The following SGK3 variants were observed in gnomAD, a reference collection of about 807,000 sequenced individuals.
The protein encoded by SGK3 is serum/glucocorticoid regulated kinase family member 3, also known as serine/threonine-protein kinase Sgk3.
A neutral mutation model predicts 68.5 loss-of-function variants in SGK3; 47 were observed. The ratio of observed to expected loss-of-function variants is 0.69; its 90% CI spans 0.54 to 0.87. The LOEUF is 0.87. SGK3 is among the 40% of genes least tolerant of loss of function. The pLI, the probability that SGK3 is intolerant of heterozygous loss-of-function variation, is 0.00. For missense variants in SGK3, 479 were observed against 575.5 expected, an observed-to-expected ratio of 0.83 and a Z score of 1.72; for synonymous variants, 181 against 189.1, an observed-to-expected ratio of 0.96 and a Z score of 0.35.
At chr8:66,812,527 C>G (rs2130639094) in intron 4 of SGK3, among the ~76,000 whole-genome samples, 1 of 151,736 alleles carries the variant, frequency 6.6e-6, no homozygotes, top group Non-Finnish European at 1.5e-5. Flanking sequence ...CACTGCACTC[C>G]AGCCTGGGTG....
intron 1 of SGK3, among the ~76,000 whole-genome samples, chr8:66,744,806 T>C (rs1014104014): frequency 7.7e-6 from 1 of 130,134 alleles, no homozygotes; most frequent in African/African-American, 3.2e-5. Flanking sequence ...ATGCCTAGCC[T>C]TTTTTTTTTT....
At chr8:66,855,757 C>T (rs544029541) in intron 16 of SGK3, among the ~76,000 whole-genome samples, 9 of 152,270 alleles carry the variant, frequency 5.9e-5, no homozygotes, top group South Asian at 2.1e-4. Context: ...TTCATACTGA[C>T]GGTTGAAGAA....
intron 1 of SGK3, among the ~76,000 whole-genome samples, chr8:66,739,640 C>A (rs756285213): frequency 2.6e-5 from 4 of 152,160 alleles, no homozygotes; most frequent in Non-Finnish European, 4.4e-5. Context: ...AGGTAATCTG[C>A]CTGCCTCAGC....
At chr8:66,746,455 A>G (rs1179313028) in intron 1 of SGK3, among the ~76,000 whole-genome samples, 1 of 152,178 alleles carries the variant, frequency 6.6e-6, no homozygotes, top group African/African-American at 2.4e-5. Context: ...TCACACCTGT[A>G]GTCCCAGTTA....
At chr8:66,761,242 A>G (rs1806155810) in intron 1 of SGK3, among the ~76,000 whole-genome samples, 1 of 152,204 alleles carries the variant, frequency 6.6e-6, no homozygotes, top group Non-Finnish European at 1.5e-5. Context: ...CCTCCTGAAC[A>G]GCTGGGACTA....
chr8:66,716,431 A>G (rs1192357282), intron 1 of SGK3, among the ~76,000 whole-genome samples: 3 of 152,136 alleles, frequency 2.0e-5, no homozygotes, highest in African/African-American at 7.2e-5. Context: ...GGCAGTGTGC[A>G]GTATCCTTGC....
intron 12 of SGK3, 63 bp downstream of exon 12, chr8:66,840,310 G>A: frequency 7.0e-7 from 1 of 1,437,476 alleles, no homozygotes; most frequent in Non-Finnish European, 9.4e-7. Context: ...TATGCTTAGT[G>A]CAAAAAAAGT....
intron 1 of SGK3, among the ~76,000 whole-genome samples, chr8:66,746,171 G>T (rs573011394): frequency 6.6e-6 from 1 of 152,218 alleles, no homozygotes; most frequent in East Asian, 1.9e-4. Context: ...CTGCAGATTA[G>T]GTTAGCTCAT....
intron 1 of SGK3, among the ~76,000 whole-genome samples, chr8:66,719,255 A>G (rs756521453): frequency 5.1e-4 from 77 of 152,136 alleles, no homozygotes; most frequent in Non-Finnish European, 8.7e-4. Context: ...ATATGTACAC[A>G]AGAGTTTTTT....
At chr8:66,830,264 T>C (rs1809252239) in intron 7 of SGK3, among the ~76,000 whole-genome samples, 1 of 152,240 alleles carries the variant, frequency 6.6e-6, no homozygotes, top group African/African-American at 2.4e-5. Flanking sequence ...TGCATGCTTT[T>C]CACTGTTAGA....
intron 4 of SGK3, among the ~76,000 whole-genome samples, chr8:66,813,557 A>G (rs1808464413): frequency 6.6e-6 from 1 of 151,778 alleles, no homozygotes; most frequent in African/African-American, 2.4e-5. Context: ...CAATTTTTGT[A>G]ATTAGTCTAT....
rs1806083234 is a variant in SGK3, at chr8:66,759,285, A to G, written c.-121-34331A>G. On this transcript the variant is annotated intron_variant, in intron 1 of 16. Coordinates refer to ENST00000521198, the MANE Select transcript of SGK3 (RefSeq NM_001033578.3). ...TTTTTAGTAGAGATGGGGTTTCACT[A>G]TGTTGGCCAGGCTGGTCTCGAACTC... Among the ~76,000 whole-genome samples, 3 of 150,942 alleles carry G rather than the reference A, an allele frequency of 2.0e-5. No individual in the cohort carries two copies. In the South Asian group the frequency reaches 6.3e-4, roughly 32 times the overall value.
intron 1 of SGK3, among the ~76,000 whole-genome samples, chr8:66,735,832 T>C (rs1220276837): frequency 6.6e-6 from 1 of 152,218 alleles, no homozygotes; most frequent in Non-Finnish European, 1.5e-5. Flanking sequence ...AGGTTTCAAT[T>C]TAGATGTTTC....
rs190081834 is a variant in SGK3, at chr8:66,850,756, G to C, written c.1231-75G>C. The C allele has an allele frequency of 7.8e-5, 110 of 1,408,570 alleles. No homozygotes were observed. The East Asian group carries it at 2.3e-3, about 29-fold the overall frequency. 87.3% of individuals were successfully genotyped at this position (1,408,570 alleles called of 1,614,324 possible). On this transcript the variant is annotated intron_variant, in intron 15 of 16. Coordinates refer to ENST00000521198, the MANE Select transcript of SGK3 (RefSeq NM_001033578.3). ...TGAGGGGCAAAATAGTAATAGTTTG[G>C]CTTCATAAAATTATGCAGTTAGTAC...
intron 1 of SGK3, among the ~76,000 whole-genome samples, chr8:66,749,454 T>C (rs2130426903): frequency 6.6e-6 from 1 of 152,244 alleles, no homozygotes; most frequent in African/African-American, 2.4e-5. Flanking sequence ...CCTGTTCTCT[T>C]GATGGACACT....
chr8:66,796,496 G>A (rs1807701828), intron 2 of SGK3, among the ~76,000 whole-genome samples: 1 of 150,990 alleles, frequency 6.6e-6, no homozygotes, highest in African/African-American at 2.4e-5. Flanking sequence ...CAGGGTCTTG[G>A]TATGTTGAGT....
intron 1 of SGK3, among the ~76,000 whole-genome samples, chr8:66,729,890 G>A (rs1380529667): frequency 1.3e-5 from 2 of 152,034 alleles, no homozygotes; most frequent in Non-Finnish European, 2.9e-5. Flanking sequence ...GATTACTGGT[G>A]TGCACCACCA....
intron 1 of SGK3, among the ~76,000 whole-genome samples, chr8:66,770,650 G>C (rs1806478937): frequency 6.6e-6 from 1 of 152,164 alleles, no homozygotes; most frequent in Non-Finnish European, 1.5e-5. Flanking sequence ...CTGGCCCTCT[G>C]TGAGTTGCCA....
Position 66,836,075 on chromosome 8 carries a change from G to A in SGK3, c.741+1G>A. The A allele has an allele frequency of 6.2e-7, 1 of 1,609,802 alleles. No homozygotes were observed. Among genetic ancestry groups the A allele is most frequent in the Non-Finnish European group, 8.5e-7 (1 of 1,178,564 alleles). ...TCTGGATTTTGTTAATGGAGGGGAG[G>A]TGAGTTTTATAATGAGTTTTCTAAT... On this transcript the variant is annotated splice_donor_variant, in intron 10 of 16. Coordinates refer to ENST00000521198, the MANE Select transcript of SGK3 (RefSeq NM_001033578.3). LOFTEE classifies it high-confidence loss of function.
Sources: allele counts gnomAD v4.1 joint callset (sites outside exome capture counted in the v4.1 genomes callset), GRCh38; gene constraint gnomAD v4.1.1; transcripts MANE v1.5; gene names NCBI Gene and HGNC (gene_info 2026-07-23, HGNC 2026-07-21).